The following NFIB variants were observed in gnomAD, a reference collection of about 807,000 sequenced individuals.
NFIB encodes the protein nuclear factor I B, also known as nuclear factor 1 B-type.
Under a neutral mutation model 61.5 loss-of-function variants are expected in NFIB, and 11 were observed. The observed-to-expected ratio is 0.18, with a 90% CI of 0.11 to 0.30. NFIB has a LOEUF of 0.30. NFIB is among the 10% of genes least tolerant of loss of function. The probability of loss-of-function intolerance (pLI) is 1.00; values close to 1 mark genes in which losing one functional copy is unlikely to be tolerated. For missense variants in NFIB, 471 were observed against 608.9 expected, an observed-to-expected ratio of 0.77 and a Z score of 2.38; for synonymous variants, 260 against 216.5, an observed-to-expected ratio of 1.20 and a Z score of -1.76.
intron 2 of NFIB, among the ~76,000 whole-genome samples, chr9:14,217,252 C>CAGAT (rs1490514894): frequency 6.6e-6 from 1 of 152,164 alleles, no homozygotes; most frequent in Non-Finnish European, 1.5e-5. Context: ...CACTTAACAG[C>CAGAT]AGATAGAATC....
At chr9:14,091,045 C>G in intron 10 of NFIB, among the ~76,000 whole-genome samples, 1 of 151,970 alleles carries the variant, frequency 6.6e-6, no homozygotes, top group East Asian at 1.9e-4. Context: ...TTAAATCTTT[C>G]AAACCGCCCA....
intron 2 of NFIB, among the ~76,000 whole-genome samples, chr9:14,214,332 CGT>C (rs1415820990): frequency 1.3e-5 from 2 of 152,230 alleles, no homozygotes; most frequent in Non-Finnish European, 2.9e-5. Flanking sequence ...GCCCCACTTA[CGT>C]GGTCCCCATG....
chr9:14,125,728 G>A lies in NFIB; in HGVS notation c.964C>T (p.Pro322Ser), dbSNP rs1382174589. The change falls in exon 7 of 11, where the codon CCA becomes TCA. Residue 322 changes from proline (P) to serine (S), a missense_variant. Around this residue, in one of 2 missense-constraint regions of NFIB, gnomAD observed 372 missense variants for 395.6 expected, o/e 0.94. Coordinates refer to ENST00000380953, the MANE Select transcript of NFIB (RefSeq NM_001190737.2). ...SPTTMKKPEK[P>S]LFSSASPQDS... ...TGTGGAGATGCAGAGCTGAACAATG[G>A]CTTTTCAGGCTTCTTCATAGTAGTC... 1.2e-6 allele frequency: 2 copies of A among 1,614,098 alleles called. No homozygotes were observed. The highest frequency in any genetic ancestry group is 1.3e-5 in the African/African-American group (1 of 75,040).
chr9:14,184,392 T>G (rs1393992667), intron 2 of NFIB, among the ~76,000 whole-genome samples: 1 of 152,190 alleles, frequency 6.6e-6, no homozygotes, highest in Non-Finnish European at 1.5e-5. Flanking sequence ...TTTCAGAATC[T>G]TTTTTTAAAC....
At chr9:14,213,401 A>G (rs2050518520) in intron 2 of NFIB, among the ~76,000 whole-genome samples, 1 of 152,236 alleles carries the variant, frequency 6.6e-6, no homozygotes, top group South Asian at 2.1e-4. Context: ...CATTCTCCAC[A>G]GCAGTGGTTC....
the NFIB span, among the ~76,000 whole-genome samples, chr9:14,433,823 T>C: frequency 1.3e-5 from 2 of 152,246 alleles, no homozygotes; most frequent in Non-Finnish European, 2.9e-5. Context: ...GTTGAAAATA[T>C]TCATAATGCT....
intron 2 of NFIB, among the ~76,000 whole-genome samples, chr9:14,182,846 G>C (rs904296804): frequency 2.0e-5 from 3 of 151,636 alleles, no homozygotes; most frequent in Non-Finnish European, 4.4e-5. Flanking sequence ...GAGTCTTGGT[G>C]TCTGGATCTT....
At chr9:14,095,768 G>T (rs1324924797) in intron 10 of NFIB, among the ~76,000 whole-genome samples, 1 of 152,134 alleles carries the variant, frequency 6.6e-6, no homozygotes, top group Non-Finnish European at 1.5e-5. Context: ...GTATCAGAAT[G>T]CTGAAGCATA....
the NFIB span, among the ~76,000 whole-genome samples, chr9:14,448,429 A>G: frequency 6.6e-6 from 1 of 152,198 alleles, no homozygotes; most frequent in Non-Finnish European, 1.5e-5. Flanking sequence ...TTAACTATTT[A>G]TATATTCTAA....
At chr9:14,416,424 C>T in the NFIB span, among the ~76,000 whole-genome samples, 283 of 151,586 alleles carry the variant, frequency 1.9e-3, 2 homozygotes, top group African/African-American at 6.4e-3. Context: ...AGACAAGAGG[C>T]GGAGGTGAAA....
intron 1 of NFIB, among the ~76,000 whole-genome samples, chr9:14,333,951 A>C (rs993909518): frequency 2.0e-5 from 3 of 152,230 alleles, no homozygotes; most frequent in Non-Finnish European, 4.4e-5. Context: ...TGAACTTTAC[A>C]TAAGAAAAAG....
At chr9:14,125,811 G>T in intron 6 of NFIB, 45 bp from the exon 7 acceptor site, 1 of 1,597,850 alleles carries the variant, frequency 6.3e-7, no homozygotes, top group African/African-American at 1.4e-5. Context: ...ACTTTCTTAA[G>T]CTCTAAGGTT....
At chr9:14,110,020 G>A (rs2037113102) in intron 10 of NFIB, among the ~76,000 whole-genome samples, 1 of 152,006 alleles carries the variant, frequency 6.6e-6, no homozygotes, top group Non-Finnish European at 1.5e-5. Flanking sequence ...TATACTTTTA[G>A]TATTCAGATT....
chr9:14,312,130 T>C (rs1300220131), intron 1 of NFIB, among the ~76,000 whole-genome samples: 7 of 152,164 alleles, frequency 4.6e-5, no homozygotes. Flanking sequence ...AAACAAAATA[T>C]AAACAATAAA....
intron 2 of NFIB, among the ~76,000 whole-genome samples, chr9:14,244,826 T>C (rs1010466714): frequency 1.3e-5 from 2 of 152,152 alleles, no homozygotes; most frequent in Admixed American, 6.5e-5. Flanking sequence ...CTTGCTACTG[T>C]TATTATTATT....
At chr9:14,443,222 G>A in the NFIB span, among the ~76,000 whole-genome samples, 1 of 151,976 alleles carries the variant, frequency 6.6e-6, no homozygotes, top group African/African-American at 2.4e-5. Context: ...TCATCTGAAT[G>A]ATCATCTCCG....
intron 1 of NFIB, among the ~76,000 whole-genome samples, chr9:14,344,173 A>C (rs1371167208): frequency 6.6e-6 from 1 of 151,616 alleles, no homozygotes; most frequent in East Asian, 1.9e-4. Context: ...CATCAAGTGA[A>C]AGCAAAAACA....
chr9:14,335,232 G>T (rs1239739193), intron 1 of NFIB, among the ~76,000 whole-genome samples: 1 of 152,288 alleles, frequency 6.6e-6, no homozygotes, highest in Non-Finnish European at 1.5e-5. Flanking sequence ...GATATGGCAG[G>T]TGTCTGTTTA....
chr9:14,114,734 G>C (rs2037873947), intron 9 of NFIB, among the ~76,000 whole-genome samples: 2 of 152,102 alleles, frequency 1.3e-5, no homozygotes, highest in South Asian at 2.1e-4. Flanking sequence ...ATCCTCTCCT[G>C]AATCTCTTCT....
Sources: allele counts gnomAD v4.1 joint callset (sites outside exome capture counted in the v4.1 genomes callset), GRCh38; gene constraint gnomAD v4.1.1; regional missense constraint gnomAD v4.1.1; transcripts MANE v1.5; gene names NCBI Gene and HGNC (gene_info 2026-07-23, HGNC 2026-07-21).